Variants in OSBPL5 observed in about 807,000 individuals in gnomAD.
OSBPL5 encodes the protein oxysterol-binding protein-related protein 5.
In OSBPL5, 71 loss-of-function variants were observed where a neutral mutation model predicts 111.2. The ratio of observed to expected loss-of-function variants is 0.64; its 90% CI spans 0.53 to 0.78. The LOEUF (loss-of-function observed/expected upper bound fraction) is 0.78. Among genes scored for constraint, OSBPL5 ranks in the 30% least tolerant of loss-of-function variants. The probability of loss-of-function intolerance (pLI) is 0.00; values close to 1 mark genes in which losing one functional copy is unlikely to be tolerated. For synonymous variants in OSBPL5, 549 were observed against 513.9 expected (o/e 1.07, Z -0.93); for missense variants, 1,210 against 1,189.3 (o/e 1.02, Z -0.26).
rs1468328289 is a variant in OSBPL5 at position 3,140,746 on chromosome 11, C to G, written c.-21-11577G>C. On this transcript the variant is annotated intron_variant, in intron 1 of 21. Coordinates refer to ENST00000263650, the MANE Select transcript of OSBPL5 (RefSeq NM_020896.4). This position sits in a 1 kb window ranked among gnomAD's most constrained non-coding sequence, Gnocchi z 4.5. ...GTCACCTGCTGCCCACACGTCCCAT[C>G]CTAGTCCTCCTTGGGGTATGTGGGT... Among the ~76,000 whole-genome samples, 1 of 152,198 alleles carries G rather than the reference C, an allele frequency of 6.6e-6. No homozygotes were observed. The highest frequency in any genetic ancestry group is 2.4e-5 in the African/African-American group (1 of 41,430).
At chr11:3,090,461 T>C (rs1857017473) in intron 20 of OSBPL5, 97 bp downstream of exon 20, 6 of 1,493,292 alleles carry the variant, frequency 4.0e-6, no homozygotes, top group Non-Finnish European at 5.5e-6. Flanking sequence ...TTGCCCTACA[T>C]CTGGGCAGGT....
chr11:3,088,295 C>T lies in OSBPL5; in HGVS notation c.2550G>A (p.Pro850=), dbSNP rs758433563. Residue 850 remains proline (P), a synonymous_variant, in exon 22 of 22, where the codon CCG becomes CCA. Transcript: ENST00000263650. The stretch of plus-strand genomic sequence containing the variant: ...GGGGGCTCTGCAGGAGGCCTGGGGT[C>T]GGTGCCTGTGCTGCCCGTGCCGTGG... ...LSSTARAAQA[P]TPGLLQSPRS... The T allele has an allele frequency of 6.2e-6, 10 of 1,606,258 alleles. No homozygotes were observed. Among genetic ancestry groups the T allele is most frequent in the Middle Eastern group, 1.7e-4 (1 of 5,760 alleles).
At chr11:3,132,264 C>T (rs1845834361) in intron 1 of OSBPL5, among the ~76,000 whole-genome samples, 1 of 152,042 alleles carries the variant, frequency 6.6e-6, no homozygotes, top group African/African-American at 2.4e-5. Flanking sequence ...GTGCCAACAA[C>T]CCCAGACCAG....
intron 7 of OSBPL5, among the ~76,000 whole-genome samples, chr11:3,111,063 G>A (rs1057280479): frequency 6.6e-6 from 1 of 151,824 alleles, no homozygotes; most frequent in Non-Finnish European, 1.5e-5. Flanking sequence ...GTCTCCTATT[G>A]GTGCTTGGTA....
At position 3,092,434 on chromosome 11, in the gene OSBPL5, C is replaced by T. The variant is rs374457287; in HGVS notation, c.2257G>A (p.Glu753Lys). 5.8e-5 allele frequency: 91 copies of T among 1,578,528 alleles called. No individual in the cohort carries two copies. Among genetic ancestry groups the T allele is most frequent in the Non-Finnish European group, 7.0e-5 (81 of 1,161,606 alleles). Residue 753 changes from glutamate to lysine, a missense_variant and splice_region_variant, in exon 19 of 22, where the codon GAG becomes AAG. By Grantham distance (56) the Glu-to-Lys change is moderately conservative. Transcript: ENST00000263650. This position sits in a 1 kb window ranked among gnomAD's most constrained non-coding sequence, Gnocchi z 5.4. Reference protein sequence around the residue: ...TFLGSPGPRHERSGPDQRLRK... With the variant: ...TFLGSPGPRHKRSGPDQRLRK... ...GGTGGGGCCTGTGGGGTGCTGACCT[C>T]GTGCCTGGGCCCTGGGCTGCCCAGG...
Position 3,094,337 on chromosome 11 carries a change from G to C in OSBPL5, c.1622-3C>G. 6.2e-7 allele frequency: 1 copy of C among 1,612,950 alleles called. No homozygotes were observed. Among genetic ancestry groups the C allele is most frequent in the South Asian group, 1.1e-5 (1 of 91,060 alleles). On this transcript the variant is annotated splice_polypyrimidine_tract_variant and splice_region_variant and intron_variant, in intron 14 of 21. Transcript: ENST00000263650. ...GGTCATCGTGCCATACAGGATTCCT[G>C]AAATGCAGCCAGTGTCAGGGGCCAG... is the stretch of plus-strand genomic sequence containing the variant.
chr11:3,093,856 C>A, intron 15 of OSBPL5, 21 bp from the exon 16 acceptor site: 1 of 1,605,162 alleles, frequency 6.2e-7, no homozygotes, highest in Non-Finnish European at 8.5e-7. Flanking sequence ...ACACCCAGAA[C>A]AGAGCCCAGT....
In OSBPL5 at chr11:3,106,115, C is replaced by T. The variant is rs935072055; in HGVS notation, c.1059+1148G>A. Among the ~76,000 whole-genome samples, 2 of 152,154 alleles carry T rather than the reference C, an allele frequency of 1.3e-5. No individual in the cohort carries two copies. Among genetic ancestry groups the T allele is most frequent in the Non-Finnish European group, 2.9e-5 (2 of 68,022 alleles). The stretch of plus-strand genomic sequence containing the variant: ...TAGGCCCATCCTAACCTTCCCATCC[C>T]CGCACAGGAGCCTGAGCTCTGTGGG... On this transcript the variant is annotated intron_variant, in intron 9 of 21. Transcript: ENST00000263650. This position sits in a 1 kb window ranked among gnomAD's most constrained non-coding sequence, Gnocchi z 8.4.
rs1857830736 is a variant in OSBPL5, at chr11:3,109,392, T to G, written c.692-1447A>C. ...TGCCTGGGCTGTTAGTAAGTGTTATTCAAAGAAAGCCTCCTGGGGTCACGT... is the reference window on the plus strand; with the variant it reads ...TGCCTGGGCTGTTAGTAAGTGTTATGCAAAGAAAGCCTCCTGGGGTCACGT... On this transcript the variant is annotated intron_variant, in intron 7 of 21. Transcript: ENST00000263650. The surrounding 1 kb of genome is among the most constrained non-coding windows in gnomAD (Gnocchi z 7.4). 6.6e-6 allele frequency among the ~76,000 whole-genome samples: 1 copy of G among 152,138 alleles called. No individual in the cohort carries two copies. Among genetic ancestry groups the G allele is most frequent in the Non-Finnish European group, 1.5e-5 (1 of 68,022 alleles).
chr11:3,150,442 G>A (rs1222097968), intron 1 of OSBPL5, among the ~76,000 whole-genome samples: 7 of 152,120 alleles, frequency 4.6e-5, no homozygotes, highest in Admixed American at 3.9e-4. Context: ...CCTTAGGGAG[G>A]AGCCCAGCAG....
At chr11:3,160,576 G>A (rs1478077559) in intron 1 of OSBPL5, among the ~76,000 whole-genome samples, 1 of 152,186 alleles carries the variant, frequency 6.6e-6, no homozygotes. Context: ...AATCCCGCTG[G>A]CTGCCAGGAA....
chr11:3,116,421 G>A (rs1481604214), intron 7 of OSBPL5, among the ~76,000 whole-genome samples: 1 of 152,142 alleles, frequency 6.6e-6, no homozygotes, highest in Non-Finnish European at 1.5e-5. Flanking sequence ...TCTAACAGGT[G>A]CTCTTGAATG....
At chr11:3,156,390 T>C (rs1447064087) in intron 1 of OSBPL5, among the ~76,000 whole-genome samples, 3 of 152,338 alleles carry the variant, frequency 2.0e-5, no homozygotes, top group African/African-American at 7.2e-5. Flanking sequence ...GCGACTTCTC[T>C]GCGACTCTAA....
intron 1 of OSBPL5, among the ~76,000 whole-genome samples, chr11:3,145,545 G>C (rs1050356775): frequency 2.0e-5 from 3 of 152,356 alleles, no homozygotes; most frequent in East Asian, 3.9e-4. Context: ...TTCTTGGGGT[G>C]GGGGTTTGGC....
At position 3,142,076 on chromosome 11, in the gene OSBPL5, C is replaced by T. The variant is rs1846137721; in HGVS notation, c.-21-12907G>A. 6.6e-6 allele frequency among the ~76,000 whole-genome samples: 1 copy of T among 152,188 alleles called. No individual in the cohort carries two copies. Among genetic ancestry groups the T allele is most frequent in the African/African-American group, 2.4e-5 (1 of 41,446 alleles). ...TACAGGCACCTGCCACGATGACCGG[C>T]TAAAATTTTTTTGTATTTTTTCAGT... On this transcript the variant is annotated intron_variant, in intron 1 of 21. Transcript: ENST00000263650. This position sits in a 1 kb window ranked among gnomAD's most constrained non-coding sequence, Gnocchi z 7.1.
intron 1 of OSBPL5, among the ~76,000 whole-genome samples, chr11:3,145,319 G>C (rs538428264): frequency 6.6e-6 from 1 of 152,122 alleles, no homozygotes; most frequent in African/African-American, 2.4e-5. Flanking sequence ...ACCACCAGCT[G>C]TGCCACCTCA....
rs755322541 is a variant in OSBPL5 at position 3,120,401 on chromosome 11, A to G, written c.606+20T>C. ...TGGCCCTACGGGGCCTCTGTCTTCAACCCCACCCCTCCGCAGCACCTTCAC... is the reference window on the plus strand; with the variant it reads ...TGGCCCTACGGGGCCTCTGTCTTCAGCCCCACCCCTCCGCAGCACCTTCAC... On this transcript the variant is annotated intron_variant, in intron 6 of 21. Coordinates refer to ENST00000263650, the MANE Select transcript of OSBPL5 (RefSeq NM_020896.4). The G allele has an allele frequency of 4.4e-6, 7 of 1,605,808 alleles. No homozygotes were observed. The highest frequency in any genetic ancestry group is 5.9e-6 in the Non-Finnish European group (7 of 1,176,866).
In OSBPL5 at chr11:3,130,976, G is replaced by A. The variant is rs745765335; in HGVS notation, c.-21-1807C>T. Among the ~76,000 whole-genome samples, 8 of 152,102 alleles carry A rather than the reference G, an allele frequency of 5.3e-5. No homozygotes were observed. Among genetic ancestry groups the A allele is most frequent in the African/African-American group, 9.7e-5 (4 of 41,398 alleles). ...CAGGCAGCCAAGGTAAGTGAGCAGC[G>A]ATCCTGCTCTCAGGACCCACAGAGA... On this transcript the variant is annotated intron_variant, in intron 1 of 21. Coordinates refer to ENST00000263650, the MANE Select transcript of OSBPL5 (RefSeq NM_020896.4). The surrounding 1 kb of genome is among the most constrained non-coding windows in gnomAD (Gnocchi z 4.5).
intron 1 of OSBPL5, among the ~76,000 whole-genome samples, chr11:3,139,706 CCT>C (rs1439099000): frequency 6.6e-6 from 1 of 152,130 alleles, no homozygotes; most frequent in Admixed American, 6.5e-5. Flanking sequence ...AGCCTCCCCT[CCT>C]CTCTCTCTGT....
Sources: gnomAD v4.1 joint callset for allele counts (sites outside exome capture counted in the v4.1 genomes callset) on GRCh38, gnomAD v4.1.1 for gene constraint, Gnocchi (gnomAD v3.1) non-coding constraint, MANE v1.5 for transcripts, NCBI Gene and HGNC (gene_info 2026-07-23, HGNC 2026-07-21) for gene names.